ROR2: variants seen among roughly 807,000 people sequenced by gnomAD.
ROR2 encodes tyrosine-protein kinase transmembrane receptor ROR2.
In ROR2, 33 loss-of-function variants were observed where a neutral mutation model predicts 74.9. That is an observed-to-expected ratio of 0.44 (90% CI 0.33 to 0.59). The LOEUF is 0.59. Ranked by LOEUF, ROR2 falls within the 20% of genes least tolerant of loss-of-function variation. The pLI is 0.02. For missense variants in ROR2, 1,216 were observed against 1,313.8 expected, an observed-to-expected ratio of 0.93 and a Z score of 1.15; for synonymous variants, 586 against 558.7, an observed-to-expected ratio of 1.05 and a Z score of -0.69.
At chr9:91,810,556 G>A (rs1303679107) in intron 1 of ROR2, among the ~76,000 whole-genome samples, 4 of 152,170 alleles carry the variant, frequency 2.6e-5, no homozygotes, top group African/African-American at 7.2e-5. Flanking sequence ...AGCAGGGCCC[G>A]GCCCAGGCCC....
chr9:91,731,685 C>A (rs945488240), intron 6 of ROR2, among the ~76,000 whole-genome samples: 1 of 152,104 alleles, frequency 6.6e-6, no homozygotes, highest in African/African-American at 2.4e-5. Context: ...GCTAACAAGG[C>A]GGGTGGATCA....
chr9:91,723,603 G>A lies in ROR2; in HGVS notation c.*59C>T. On this transcript the variant is annotated 3_prime_UTR_variant, in exon 9 of 9. Coordinates refer to ENST00000375708, the MANE Select transcript of ROR2 (RefSeq NM_004560.4). ...GTATGGTGTCTTCTCAAAGGTGACT[G>A]AGGTCCCTGTGGGGTCTCGGCGGGG... The A allele has an allele frequency of 6.3e-7, 1 of 1,596,970 alleles. No individual in the cohort carries two copies. Among genetic ancestry groups the A allele is most frequent in the Non-Finnish European group, 8.5e-7 (1 of 1,173,926 alleles).
rs1587677555 is a variant in ROR2, at chr9:91,744,107, G to A, written c.495-6589C>T. Among the ~76,000 whole-genome samples, 3 of 151,464 alleles carry A rather than the reference G, an allele frequency of 2.0e-5. No homozygotes were observed. In the Middle Eastern group the frequency reaches 0.01, roughly 515 times the overall value. On this transcript the variant is annotated intron_variant, in intron 4 of 8. Coordinates refer to ENST00000375708, the MANE Select transcript of ROR2 (RefSeq NM_004560.4). The stretch of plus-strand genomic sequence containing the variant: ...AGAGTCTCCAAACAAAATGTCAACA[G>A]CACAAGGCAGGAATTTTTAGTTTTT...
chr9:91,792,286 G>A (rs964382383), intron 1 of ROR2, among the ~76,000 whole-genome samples: 1 of 151,286 alleles, frequency 6.6e-6, no homozygotes, highest in African/African-American at 2.4e-5. Flanking sequence ...GAGAAAAATC[G>A]AGACCAAAAG....
chr9:91,804,715 A>G lies in ROR2; in HGVS notation c.98-28897T>C, dbSNP rs1201341564. On this transcript the variant is annotated intron_variant, in intron 1 of 8. Coordinates refer to ENST00000375708, the MANE Select transcript of ROR2 (RefSeq NM_004560.4). ...ACTAGGGCCAATCTTTAGAGATGAA[A>G]CTACAGCAATGGATTCAGAGTGGGG... Among the ~76,000 whole-genome samples the G allele has an allele frequency of 2.6e-5, 4 of 152,280 alleles. No individual in the cohort carries two copies. In the East Asian group the frequency reaches 5.8e-4, roughly 22 times the overall value.
chr9:91,916,947 C>T (rs1831152103), intron 1 of ROR2, among the ~76,000 whole-genome samples: 2 of 152,006 alleles, frequency 1.3e-5, no homozygotes, highest in South Asian at 4.2e-4. Context: ...GAAAATGTTC[C>T]CTGCCCCCAC....
intron 2 of ROR2, among the ~76,000 whole-genome samples, chr9:91,774,066 C>G (rs576032275): frequency 6.6e-6 from 1 of 152,260 alleles, no homozygotes; most frequent in East Asian, 1.9e-4. Context: ...TGTGGTCTGT[C>G]TGCACTGTGG....
rs536034381 is a variant in ROR2 at position 91,757,477 on chromosome 9, T to C, written c.258A>G (p.Ala86=). Residue 86 remains alanine, a synonymous_variant, in exon 3 of 9, where the codon GCA becomes GCG. Coordinates refer to ENST00000375708, the MANE Select transcript of ROR2 (RefSeq NM_004560.4). ...ACCGCACGTTAGGGGGTGGGTTTCC[T>C]GCCACCTTGCAGTGCAGAATTGCCG... is the stretch of plus-strand genomic sequence containing the variant. The part of the protein sequence containing the change: ...GQTAILHCKV[A]GNPPPNVRWL... The C allele has an allele frequency of 1.3e-4, 210 of 1,613,828 alleles. No homozygotes were observed. Among genetic ancestry groups the C allele is most frequent in the Non-Finnish European group, 1.6e-4 (185 of 1,180,012 alleles).
At chr9:91,901,367 C>A (rs1474332132) in intron 1 of ROR2, among the ~76,000 whole-genome samples, 3 of 152,086 alleles carry the variant, frequency 2.0e-5, no homozygotes, top group Admixed American at 1.3e-4. Context: ...TTACTAGTTG[C>A]CTCAAGTATA....
intron 1 of ROR2, among the ~76,000 whole-genome samples, chr9:91,918,545 G>C (rs1343030270): frequency 6.6e-6 from 1 of 152,300 alleles, no homozygotes; most frequent in African/African-American, 2.4e-5. Context: ...ATTTTTGTAG[G>C]TTGAAACGGG....
chr9:91,893,517 G>A lies in ROR2; in HGVS notation c.97+56350C>T, dbSNP rs142798950. Among the ~76,000 whole-genome samples, 878 of 151,702 alleles carry A rather than the reference G, an allele frequency of 5.8e-3. 11 individuals carry two copies. The highest frequency in any genetic ancestry group is 0.02 in the African/African-American group (836 of 41,338). On this transcript the variant is annotated intron_variant, in intron 1 of 8. Coordinates refer to ENST00000375708, the MANE Select transcript of ROR2 (RefSeq NM_004560.4). ...CCCACACCCCTCCACTGGGGGACAC[G>A]CCTCACGGCAGGCTGGTGACTCTCC...
intron 1 of ROR2, among the ~76,000 whole-genome samples, chr9:91,911,993 C>A (rs985883468): frequency 1.4e-5 from 2 of 143,864 alleles, no homozygotes; most frequent in African/African-American, 5.2e-5. Flanking sequence ...CAAAATTTAT[C>A]GGAGGTACTC....
intron 1 of ROR2, among the ~76,000 whole-genome samples, chr9:91,867,014 G>A (rs1267883211): frequency 6.6e-6 from 1 of 152,170 alleles, no homozygotes; most frequent in Non-Finnish European, 1.5e-5. Context: ...TATCTTGAGG[G>A]TTCTGGTTCT....
At chr9:91,744,213 C>CCTT (rs1445587544) in intron 4 of ROR2, among the ~76,000 whole-genome samples, 1 of 89,082 alleles carries the variant, frequency 1.1e-5, no homozygotes, top group Non-Finnish European at 2.0e-5. Context: ...AATTTGTTAA[C>CCTT]TTTTTTTTTT....
At chr9:91,830,809 CGTGTGTGTGTGTGTGTGT>C (rs34963566) in intron 1 of ROR2, among the ~76,000 whole-genome samples, 28 of 139,576 alleles carry the variant, frequency 2.0e-4, no homozygotes, top group East Asian at 6.3e-4. Context: ...TAACTGTGTC[CGTGTGTGTGTGTGTGTGT>C]GTGTGTGTGT....
At chr9:91,821,376 C>A (rs1828133717) in intron 1 of ROR2, among the ~76,000 whole-genome samples, 1 of 152,194 alleles carries the variant, frequency 6.6e-6, no homozygotes, top group East Asian at 1.9e-4. Flanking sequence ...TATTGCCCAA[C>A]TCCTTTAGTT....
chr9:91,888,156 T>A (rs16907946), intron 1 of ROR2, among the ~76,000 whole-genome samples: 1,776 of 152,300 alleles, frequency 0.012, 38 homozygotes, highest in African/African-American at 0.041. Context: ...TTTGATGGCA[T>A]CAATGCTTTT....
At chr9:91,827,768 C>T (rs769760503) in intron 1 of ROR2, among the ~76,000 whole-genome samples, 2 of 152,208 alleles carry the variant, frequency 1.3e-5, no homozygotes, top group Admixed American at 6.5e-5. Context: ...CGTGTTCCAT[C>T]GGTAGGCTTA....
chr9:91,787,281 T>G (rs1448508091), intron 1 of ROR2, among the ~76,000 whole-genome samples: 2 of 151,972 alleles, frequency 1.3e-5, no homozygotes, highest in African/African-American at 4.8e-5. Context: ...GAGGCTGAGG[T>G]GGGTGGATCA....
Sources: allele counts gnomAD v4.1 joint callset (sites outside exome capture counted in the v4.1 genomes callset), GRCh38; gene constraint gnomAD v4.1.1; transcripts MANE v1.5; gene names NCBI Gene and HGNC (gene_info 2026-07-23, HGNC 2026-07-21).